The following MARK1 variants were observed in gnomAD, a reference collection of about 807,000 sequenced individuals.
The protein encoded by MARK1 is microtubule affinity regulating kinase 1, also known as serine/threonine-protein kinase MARK1.
In MARK1, 40 loss-of-function variants were observed where a neutral mutation model predicts 96.3. The observed-to-expected ratio is 0.42, with a 90% CI of 0.32 to 0.54. MARK1 has a LOEUF of 0.54. MARK1 is among the 20% of genes least tolerant of loss of function. MARK1 has a pLI of 0.16. For synonymous variants in MARK1, 317 were observed against 341.2 expected (o/e 0.93, Z 0.78); for missense variants, 719 against 984.6 (o/e 0.73, Z 3.61).
At chr1:220,560,368 T>A (rs1662584074) in intron 1 of MARK1, among the ~76,000 whole-genome samples, 1 of 152,158 alleles carries the variant, frequency 6.6e-6, no homozygotes, top group Non-Finnish European at 1.5e-5. Context: ...AACTTCATGG[T>A]TAGATTTGTT....
intron 1 of MARK1, among the ~76,000 whole-genome samples, chr1:220,532,316 G>T (rs1660374165): frequency 6.6e-6 from 1 of 152,194 alleles, no homozygotes. Flanking sequence ...CGAGAGGAAA[G>T]CATACCTTTG....
chr1:220,653,295 C>T lies in MARK1; in HGVS notation c.1931C>T (p.Ala644Val). 1.2e-6 allele frequency: 2 copies of T among 1,614,182 alleles called. No individual in the cohort carries two copies. The highest frequency in any genetic ancestry group is 1.7e-6 in the Non-Finnish European group (2 of 1,180,028). The change falls in exon 16 of 18, where the codon GCC becomes GTC. Residue 644 changes from alanine to valine, a missense_variant. Ala to Val is a moderately conservative substitution (Grantham distance 64). This residue lies in a region of MARK1 where 501 missense variants were observed against 588.3 expected (regional missense o/e 0.85). Transcript: ENST00000366917. ...PSHETGAFAH[A>V]RRGTSTGIIS... is the part of the protein sequence containing the mutation. ...CATGAAACGGGTGCATTTGCACATGCCAGAAGGGGAACGTCAACTGGTATA... is the reference window on the plus strand; with the variant it reads ...CATGAAACGGGTGCATTTGCACATGTCAGAAGGGGAACGTCAACTGGTATA...
intron 1 of MARK1, among the ~76,000 whole-genome samples, chr1:220,539,735 C>T (rs1428639118): frequency 1.3e-5 from 2 of 150,606 alleles, no homozygotes; most frequent in African/African-American, 2.4e-5. Flanking sequence ...GGGCGTGGTA[C>T]GTGATCCTTC....
intron 13 of MARK1, among the ~76,000 whole-genome samples, chr1:220,638,477 G>A (rs899906413): frequency 1.3e-5 from 2 of 151,956 alleles, no homozygotes; most frequent in African/African-American, 4.8e-5. Context: ...CTGTTTATAT[G>A]CTGTCTTGTT....
intron 1 of MARK1, among the ~76,000 whole-genome samples, chr1:220,546,759 G>A (rs1661517401): frequency 6.6e-6 from 1 of 152,126 alleles, no homozygotes; most frequent in South Asian, 2.1e-4. Context: ...GATCGCCTGA[G>A]TTCAGGAGTT....
chr1:220,654,001 T>G lies in MARK1; in HGVS notation c.1988+649T>G, dbSNP rs1669040257. Among the ~76,000 whole-genome samples, 1 of 152,244 alleles carries G rather than the reference T, an allele frequency of 6.6e-6. No homozygotes were observed. The highest frequency in any genetic ancestry group is 1.5e-5 in the Non-Finnish European group (1 of 68,050). On this transcript the variant is annotated intron_variant, in intron 16 of 17. Transcript: ENST00000366917. This position sits in a 1 kb window ranked among gnomAD's most constrained non-coding sequence, Gnocchi z 4.0. ...TGCAGGCTGATGTGGATTTCATCTA[T>G]TCCTGGTCCCACTAAATGCCTACTT...
At chr1:220,646,738 G>A (rs1430158292) in intron 13 of MARK1, among the ~76,000 whole-genome samples, 1 of 152,102 alleles carries the variant, frequency 6.6e-6, no homozygotes, top group Non-Finnish European at 1.5e-5. Flanking sequence ...AGAGAACTCA[G>A]AAATAAAACT....
At chr1:220,613,278 A>G (rs1345064245) in intron 6 of MARK1, among the ~76,000 whole-genome samples, 1 of 152,204 alleles carries the variant, frequency 6.6e-6, no homozygotes, top group African/African-American at 2.4e-5. Flanking sequence ...AAATGTGGTA[A>G]TACTATAATA....
chr1:220,536,286 A>C (rs1304286801), intron 1 of MARK1, among the ~76,000 whole-genome samples: 2 of 151,750 alleles, frequency 1.3e-5, no homozygotes, highest in Non-Finnish European at 2.9e-5. Context: ...TCTGCCTAGG[A>C]CTTCTAATAC....
rs1572204271 is a variant in MARK1 at position 220,630,922 on chromosome 1, T to C, written c.910-113T>C. The C allele has an allele frequency of 8.5e-6, 6 of 702,870 alleles. No homozygotes were observed. In the East Asian group the frequency reaches 1.4e-4, roughly 16 times the overall value. 43.5% of individuals were successfully genotyped at this position (702,870 alleles called of 1,614,324 possible). On this transcript the variant is annotated intron_variant, in intron 9 of 17. Coordinates refer to ENST00000366917, the MANE Select transcript of MARK1 (RefSeq NM_018650.5). ...TTTGGCCCACTAATCAAACTAGAAA[T>C]GTCACATGAAACTTCTTGAGTGAAC... is the stretch of plus-strand genomic sequence containing the variant.
At chr1:220,569,537 T>C (rs1013931691) in intron 1 of MARK1, among the ~76,000 whole-genome samples, 3 of 152,122 alleles carry the variant, frequency 2.0e-5, no homozygotes, top group African/African-American at 7.2e-5. Context: ...TTTCTGTTTC[T>C]TTTTACATTT....
rs138847836 is a variant in MARK1 at position 220,622,085 on chromosome 1, A to T, written c.909+3330A>T. ...TACTAGTCTGGAACTTCCATGTGTT[A>T]TACTGTCCTCTCATAATGAGGGCAT... On this transcript the variant is annotated intron_variant, in intron 9 of 17. Coordinates refer to ENST00000366917, the MANE Select transcript of MARK1 (RefSeq NM_018650.5). 8.0e-3 allele frequency among the ~76,000 whole-genome samples: 1,214 copies of T among 152,290 alleles called. 15 individuals are homozygous for T. The highest frequency in any genetic ancestry group is 0.024 in the Middle Eastern group (7 of 294).
intron 13 of MARK1, among the ~76,000 whole-genome samples, chr1:220,644,670 C>T (rs960868108): frequency 1.3e-5 from 2 of 152,114 alleles, no homozygotes; most frequent in Non-Finnish European, 2.9e-5. Context: ...AAATTGATCA[C>T]ATAATTGGAA....
At chr1:220,544,036 T>A (rs1661320865) in intron 1 of MARK1, among the ~76,000 whole-genome samples, 1 of 152,226 alleles carries the variant, frequency 6.6e-6, no homozygotes, top group Non-Finnish European at 1.5e-5. Flanking sequence ...AATCCTTTTG[T>A]AGGTGATGAC....
chr1:220,557,152 C>T (rs6683556), intron 1 of MARK1, among the ~76,000 whole-genome samples: 9,422 of 151,782 alleles, frequency 0.062, 904 homozygotes, highest in African/African-American at 0.21. Context: ...ACATGATTTC[C>T]AAAGTAACAA....
intron 3 of MARK1, among the ~76,000 whole-genome samples, chr1:220,581,990 A>C (rs1029748974): frequency 3.3e-5 from 5 of 152,220 alleles, no homozygotes; most frequent in African/African-American, 1.2e-4. Flanking sequence ...CACATATGTA[A>C]TTTTAATACA....
chr1:220,593,691 G>C (rs1665140671), intron 3 of MARK1, among the ~76,000 whole-genome samples: 1 of 152,074 alleles, frequency 6.6e-6, no homozygotes. Context: ...GGTGAGTCTG[G>C]GGCGGGTTAG....
In MARK1 at chr1:220,662,978, T is replaced by C. The variant is rs922691573; in HGVS notation, c.*812T>C. 5 of 152,650 alleles carry C rather than the reference T, an allele frequency of 3.3e-5. No homozygotes were observed. Among genetic ancestry groups the C allele is most frequent in the African/African-American group, 7.2e-5 (3 of 41,448 alleles). 9.5% of individuals were successfully genotyped at this position (152,650 alleles called of 1,614,324 possible). The stretch of plus-strand genomic sequence containing the variant: ...AAAAAAAACATACTTTATCTGGCTA[T>C]TATAACATAAACTGTCACGTAGGTT... On this transcript the variant is annotated 3_prime_UTR_variant, in exon 18 of 18. Coordinates refer to ENST00000366917, the MANE Select transcript of MARK1 (RefSeq NM_018650.5).
At chr1:220,597,377 A>T (rs1665440872) in intron 3 of MARK1, among the ~76,000 whole-genome samples, 1 of 152,076 alleles carries the variant, frequency 6.6e-6, no homozygotes, top group South Asian at 2.1e-4. Context: ...CCCCGCCAAC[A>T]TTTGCTATTT....
Sources: gnomAD v4.1 joint callset for allele counts (sites outside exome capture counted in the v4.1 genomes callset) on GRCh38, gnomAD v4.1.1 for gene constraint, gnomAD v4.1.1 regional missense constraint, Gnocchi (gnomAD v3.1) non-coding constraint, MANE v1.5 for transcripts, NCBI Gene and HGNC (gene_info 2026-07-23, HGNC 2026-07-21) for gene names.